The following ZSCAN5A variants were observed in gnomAD, a reference collection of about 807,000 sequenced individuals.
ZSCAN5A encodes the protein zinc finger and SCAN domain containing 5A.
A neutral mutation model predicts 23.7 loss-of-function variants in ZSCAN5A; 12 were observed. That is an observed-to-expected ratio of 0.51 (90% CI 0.32 to 0.82). The LOEUF (loss-of-function observed/expected upper bound fraction) is 0.82. Ranked by LOEUF, ZSCAN5A falls within the 40% of genes least tolerant of loss-of-function variation. The pLI is 0.03. For synonymous variants in ZSCAN5A, 257 were observed against 239.9 expected (o/e 1.07, Z -0.66); for missense variants, 597 against 617.9 (o/e 0.97, Z 0.36).
intron 2 of ZSCAN5A, among the ~76,000 whole-genome samples, chr19:56,362,020 G>T (rs1054212197): frequency 2.6e-5 from 4 of 151,654 alleles, no homozygotes; most frequent in African/African-American, 7.3e-5. Flanking sequence ...TAGCTGGGCG[G>T]GGTGGCGGGC....
At chr19:56,298,211 T>C (rs926976153) in intron 2 of ZSCAN5A, 9 of 152,118 alleles carry the variant, frequency 5.9e-5, no homozygotes, top group African/African-American at 1.9e-4. Flanking sequence ...GAGAGTATCA[T>C]AGCAGATCTT....
rs185377731 is a variant in ZSCAN5A at position 56,331,950 on chromosome 19, G to A, written c.-357-15682C>T. On this transcript the variant is annotated intron_variant, in intron 2 of 6. Coordinates refer to the ZSCAN5A transcript ENST00000587340. ...CATTGTTTACCTAAAAGTCATTCAGGAGCAAGTTATTTAATTTCCATGTTA... is the reference window on the plus strand; with the variant it reads ...CATTGTTTACCTAAAAGTCATTCAGAAGCAAGTTATTTAATTTCCATGTTA... Among the ~76,000 whole-genome samples the A allele has an allele frequency of 5.5e-3, 833 of 152,094 alleles. 14 individuals carry two copies. In the South Asian group the frequency reaches 0.058, roughly 11 times the overall value.
At chr19:56,281,807 G>A (rs2038729957) in intron 2 of ZSCAN5A, 1 of 578,454 alleles carries the variant, frequency 1.7e-6, no homozygotes, top group Non-Finnish European at 2.2e-6. Flanking sequence ...CATTCAACCT[G>A]GGGCAGATTC....
rs537438502 is a variant in ZSCAN5A, at chr19:56,303,804, C to T, written c.-128+9479G>A. 3.2e-5 allele frequency among the ~76,000 whole-genome samples: 4 copies of T among 125,442 alleles called. No individual in the cohort carries two copies. In the East Asian group the frequency reaches 1.1e-3, roughly 34 times the overall value. 82.3% of individuals were successfully genotyped at this position (125,442 alleles called of 152,430 possible). ...AGCAGCCATGGCCACGGGCAGCCTTCCCCGGGCAGGTAACGTCTGGACATA... is the reference window on the plus strand; with the variant it reads ...AGCAGCCATGGCCACGGGCAGCCTTTCCCGGGCAGGTAACGTCTGGACATA... On this transcript the variant is annotated intron_variant, in intron 2 of 5. Coordinates refer to ENST00000683990, the MANE Select transcript of ZSCAN5A (RefSeq NM_001322064.3).
chr19:56,241,802 T>C (rs1166928462), intron 2 of ZSCAN5A, among the ~76,000 whole-genome samples: 5 of 152,216 alleles, frequency 3.3e-5, no homozygotes, highest in African/African-American at 9.7e-5. Flanking sequence ...TTTAAAATTA[T>C]TATTCATGTC....
At chr19:56,367,817 A>C (rs1208401459) in intron 1 of ZSCAN5A, 2 of 152,246 alleles carry the variant, frequency 1.3e-5, no homozygotes, top group African/African-American at 2.4e-5. Flanking sequence ...ATAGGGTCAC[A>C]TATCAAATCA....
intron 2 of ZSCAN5A, among the ~76,000 whole-genome samples, chr19:56,326,799 T>TG (rs2041438811): frequency 6.6e-6 from 1 of 152,204 alleles, no homozygotes; most frequent in Non-Finnish European, 1.5e-5. Flanking sequence ...AACATATTGA[T>TG]GCGCTGCTCA....
intron 2 of ZSCAN5A, among the ~76,000 whole-genome samples, chr19:56,258,796 A>C (rs758731773): frequency 1.3e-5 from 2 of 152,154 alleles, no homozygotes; most frequent in Non-Finnish European, 2.9e-5. Flanking sequence ...TCTCCAACAG[A>C]AAGTGGCAGA....
At chr19:56,323,204 A>C (rs561024790) in intron 2 of ZSCAN5A, among the ~76,000 whole-genome samples, 1 of 151,318 alleles carries the variant, frequency 6.6e-6, no homozygotes, top group African/African-American at 2.4e-5. Flanking sequence ...TTGGTTTCTT[A>C]AAAATATTTT....
At chr19:56,275,530 A>C (rs2038184534) in intron 2 of ZSCAN5A, among the ~76,000 whole-genome samples, 1 of 152,218 alleles carries the variant, frequency 6.6e-6, no homozygotes, top group African/African-American at 2.4e-5. Flanking sequence ...CAGGAGTTTG[A>C]GACCAGCCTG....
chr19:56,356,386 A>G (rs1480305519), intron 2 of ZSCAN5A, among the ~76,000 whole-genome samples: 1 of 148,516 alleles, frequency 6.7e-6, no homozygotes, highest in Non-Finnish European at 1.5e-5. Flanking sequence ...TTGGGAATAC[A>G]TGGTTGTGTA....
intron 2 of ZSCAN5A, among the ~76,000 whole-genome samples, chr19:56,294,216 C>T (rs1025947063): frequency 3.3e-5 from 5 of 152,192 alleles, no homozygotes; most frequent in Non-Finnish European, 7.3e-5. Context: ...CAAACACCTG[C>T]CTAAGGGCCC....
At chr19:56,283,781 A>G (rs1346395476) in intron 2 of ZSCAN5A, 3 of 152,236 alleles carry the variant, frequency 2.0e-5, no homozygotes, top group Admixed American at 6.5e-5. Flanking sequence ...CCTCACCAGC[A>G]ACATAGGGAC....
chr19:56,301,040 ATGGGGGAGAGG>A (rs1568722605), intron 2 of ZSCAN5A, among the ~76,000 whole-genome samples: 1 of 152,072 alleles, frequency 6.6e-6, no homozygotes, highest in Non-Finnish European at 1.5e-5. Flanking sequence ...AAGCCTGGGG[ATGGGGGAGAGG>A]TGGTGGTTTT....
chr19:56,226,320 C>T (rs2033930605), intron 2 of ZSCAN5A, among the ~76,000 whole-genome samples: 1 of 152,158 alleles, frequency 6.6e-6, no homozygotes, highest in Non-Finnish European at 1.5e-5. Context: ...TATTTACACA[C>T]CACACATCTC....
chr19:56,297,616 G>A (rs1332468347), intron 2 of ZSCAN5A: 1 of 816,960 alleles, frequency 1.2e-6, no homozygotes, highest in African/African-American at 2.0e-5. Context: ...TAGAAGAGAA[G>A]ATTTCAGGTA....
intron 2 of ZSCAN5A, chr19:56,320,941 T>A: frequency 1.3e-6 from 1 of 750,204 alleles, no homozygotes; most frequent in Non-Finnish European, 2.5e-6. Context: ...TTGGTCCTGC[T>A]TTCAAATTGT....
intron 2 of ZSCAN5A, among the ~76,000 whole-genome samples, chr19:56,326,398 C>T (rs1039360683): frequency 1.3e-5 from 2 of 151,710 alleles, no homozygotes; most frequent in Non-Finnish European, 2.9e-5. Flanking sequence ...TCTCTATGTT[C>T]ACCATGCTAT....
intron 2 of ZSCAN5A, among the ~76,000 whole-genome samples, chr19:56,322,998 C>G (rs1302801310): frequency 6.6e-6 from 1 of 150,524 alleles, no homozygotes; most frequent in African/African-American, 2.4e-5. Context: ...GGGTTCACGC[C>G]ATTCTCCTGC....
Sources: gnomAD v4.1 joint callset for allele counts (sites outside exome capture counted in the v4.1 genomes callset) on GRCh38, gnomAD v4.1.1 for gene constraint, MANE v1.5 for transcripts, NCBI Gene and HGNC (gene_info 2026-07-23, HGNC 2026-07-21) for gene names.